The following ITGB1 variants were observed in gnomAD, a reference collection of about 807,000 sequenced individuals.
ITGB1 encodes integrin beta-1.
ITGB1 carries 24 observed loss-of-function variants against 86.5 expected under a neutral mutation model. The ratio of observed to expected loss-of-function variants is 0.28; its 90% CI spans 0.20 to 0.39. The LOEUF is 0.39. Ranked by LOEUF, ITGB1 falls within the 10% of genes least tolerant of loss-of-function variation. ITGB1 has a pLI of 1.00. For missense variants in ITGB1, 556 were observed against 946.9 expected, an observed-to-expected ratio of 0.59 and a Z score of 5.42; for synonymous variants, 323 against 316.8, an observed-to-expected ratio of 1.02 and a Z score of -0.21.
chr10:32,915,293 G>A (rs2094928038), intron 11 of ITGB1, among the ~76,000 whole-genome samples: 1 of 152,178 alleles, frequency 6.6e-6, no homozygotes, highest in South Asian at 2.1e-4. Flanking sequence ...AAAGCTAGCA[G>A]AAGGCAAGAA....
intron 3 of ITGB1, among the ~76,000 whole-genome samples, chr10:32,930,255 C>A (rs2094979016): frequency 6.6e-6 from 1 of 152,118 alleles, no homozygotes; most frequent in Admixed American, 6.5e-5. Flanking sequence ...AATACCTTTC[C>A]CAGAACTGAC....
chr10:32,907,836 C>CA (rs1014720939), intron 15 of ITGB1, among the ~76,000 whole-genome samples: 25 of 150,224 alleles, frequency 1.7e-4, no homozygotes, highest in South Asian at 4.2e-4. Flanking sequence ...AAAAAGTTAC[C>CA]AAAAAAAAAT....
At chr10:32,912,942 G>A (rs551636674) in intron 11 of ITGB1, among the ~76,000 whole-genome samples, 33 of 152,284 alleles carry the variant, frequency 2.2e-4, no homozygotes, top group African/African-American at 7.9e-4. Flanking sequence ...CATACAGCCC[G>A]GTGCCCCTCT....
chr10:32,923,510 C>CA (rs1190541555), intron 7 of ITGB1, 75 bp downstream of exon 7: 2 of 1,318,546 alleles, frequency 1.5e-6, no homozygotes, highest in Admixed American at 4.6e-5. Flanking sequence ...CCAAGCCAGT[C>CA]ACCCACAAGC....
intron 15 of ITGB1, among the ~76,000 whole-genome samples, chr10:32,903,213 G>A (rs926908201): frequency 6.6e-6 from 1 of 151,750 alleles, no homozygotes; most frequent in Admixed American, 6.6e-5. Flanking sequence ...TTAGCTGGGT[G>A]TGGTGGCGGG....
intron 1 of ITGB1, among the ~76,000 whole-genome samples, chr10:32,954,506 C>T (rs1251398603): frequency 6.6e-6 from 1 of 152,116 alleles, no homozygotes; most frequent in Non-Finnish European, 1.5e-5. Flanking sequence ...AAAATAAATG[C>T]AATTTATAAA....
At chr10:32,930,197 A>C (rs1414057716) in intron 3 of ITGB1, among the ~76,000 whole-genome samples, 153 bp from the exon 4 acceptor site, 1 of 152,220 alleles carries the variant, frequency 6.6e-6, no homozygotes, top group Non-Finnish European at 1.5e-5. Flanking sequence ...CCCTTCATCC[A>C]AACTGTGGTA....
chr10:32,928,262 C>T lies in ITGB1; in HGVS notation c.379G>A (p.Glu127Lys), dbSNP rs767386605. 1 of 857,026 alleles carries T rather than the reference C, an allele frequency of 1.2e-6. No individual in the cohort carries two copies. The highest frequency in any genetic ancestry group is 2.0e-6 in the Non-Finnish European group (1 of 502,754). 53.1% of individuals were successfully genotyped at this position (857,026 alleles called of 1,614,324 possible). The change falls in exon 5 of 16, where the codon GAG becomes AAG. Residue 127 changes from glutamate (E) to lysine (K), a missense_variant and splice_region_variant. By Grantham distance (56) the Glu-to-Lys change is moderately conservative. Around this residue, in one of 4 missense-constraint regions of ITGB1, gnomAD observed 183 missense variants for 263.9 expected, o/e 0.69. Transcript: ENST00000302278. The stretch of plus-strand genomic sequence containing the variant: ...AATTTTAATGTAAATGTCTGTGGCT[C>T]CCCTAATTAGACAAGAGATTAGAAA... Reference protein sequence around the residue: ...QQLVLRLRSGEPQTFTLKFKR... With the variant: ...QQLVLRLRSGKPQTFTLKFKR...
chr10:32,919,603 CAT>C (rs553902776), intron 11 of ITGB1, among the ~76,000 whole-genome samples: 110 of 152,240 alleles, frequency 7.2e-4, no homozygotes, highest in African/African-American at 2.5e-3. Context: ...ATTGCTCTCA[CAT>C]GAGAGAAACG....
At chr10:32,947,432 C>CATGTGTGTGTGTGTGTGT in intron 1 of ITGB1, among the ~76,000 whole-genome samples, 1 of 137,372 alleles carries the variant, frequency 7.3e-6, no homozygotes, top group Admixed American at 7.2e-5. Flanking sequence ...CACATATAGC[C>CATGTGTGTGTGTGTGTGT]GTGTGTGTGT....
chr10:32,926,059 G>T lies in ITGB1; in HGVS notation c.598C>A (p.Pro200Thr). 1.2e-6 allele frequency: 2 copies of T among 1,614,156 alleles called. No homozygotes were observed. Among genetic ancestry groups the T allele is most frequent in the Non-Finnish European group, 1.7e-6 (2 of 1,180,022 alleles). Residue 200 changes from proline to threonine, a missense_variant, in exon 6 of 16, where the codon CCA (proline) becomes ACA (threonine). Pro to Thr is a conservative substitution (Grantham distance 38, BLOSUM62 -1). Around this residue, in one of 4 missense-constraint regions of ITGB1, gnomAD observed 183 missense variants for 263.9 expected, o/e 0.69. Coordinates refer to ENST00000302278, the MANE Select transcript of ITGB1 (RefSeq NM_002211.4). ...KTVMPYISTT[P>T]AKLRNPCTSE... Reference sequence around the variant, plus strand: ...GTGCAAGGGTTCCTGAGCTTAGCTGGTGTTGTGCTAATGTAAGGCATCACA... The same window carrying T: ...GTGCAAGGGTTCCTGAGCTTAGCTGTTGTTGTGCTAATGTAAGGCATCACA...
intron 4 of ITGB1, among the ~76,000 whole-genome samples, chr10:32,928,547 A>C (rs188066017): frequency 1.3e-5 from 2 of 152,174 alleles, no homozygotes; most frequent in Admixed American, 6.5e-5. Flanking sequence ...AAGAGAAGAA[A>C]ACAAATAGAA....
At chr10:32,902,365 T>C (rs1340338466) in intron 15 of ITGB1, among the ~76,000 whole-genome samples, 2 of 152,222 alleles carry the variant, frequency 1.3e-5, no homozygotes, top group Admixed American at 1.3e-4. Flanking sequence ...AAAAATATAC[T>C]GACAGTGATG....
At chr10:32,946,918 C>G (rs1469302888) in intron 1 of ITGB1, among the ~76,000 whole-genome samples, 1 of 151,608 alleles carries the variant, frequency 6.6e-6, no homozygotes, top group Non-Finnish European at 1.5e-5. Context: ...GATCTTGGCT[C>G]ACTGCAACCT....
chr10:32,914,188 T>G (rs920585650), intron 11 of ITGB1, among the ~76,000 whole-genome samples: 1 of 152,224 alleles, frequency 6.6e-6, no homozygotes, highest in East Asian at 1.9e-4. Flanking sequence ...AAGGAACAAC[T>G]GGTACCAGCC....
intron 1 of ITGB1, among the ~76,000 whole-genome samples, chr10:32,942,411 C>A (rs1358294591): frequency 6.6e-6 from 1 of 152,136 alleles, no homozygotes; most frequent in African/African-American, 2.4e-5. Context: ...ATTGGACACC[C>A]TAATTTATAC....
intron 11 of ITGB1, among the ~76,000 whole-genome samples, chr10:32,917,496 G>GA (rs1473173155): frequency 4.6e-5 from 7 of 152,148 alleles, no homozygotes; most frequent in South Asian, 2.1e-4. Context: ...AAATTTACAA[G>GA]AAAAAATCAA....
intron 6 of ITGB1, 139 bp from the exon 7 acceptor site, chr10:32,923,879 T>C (rs1420454941): frequency 1.4e-5 from 10 of 702,166 alleles, no homozygotes; most frequent in Non-Finnish European, 2.3e-5. Context: ...CAATGGTAAT[T>C]ATCTTGCTGA....
intron 15 of ITGB1, among the ~76,000 whole-genome samples, chr10:32,902,735 T>C (rs2094885097): frequency 6.6e-6 from 1 of 152,220 alleles, no homozygotes; most frequent in South Asian, 2.1e-4. Flanking sequence ...GTAATTTTTG[T>C]TTTTAAATTT....
Sources: allele counts gnomAD v4.1 joint callset (sites outside exome capture counted in the v4.1 genomes callset), GRCh38; gene constraint gnomAD v4.1.1; regional missense constraint gnomAD v4.1.1; transcripts MANE v1.5; gene names NCBI Gene and HGNC (gene_info 2026-07-23, HGNC 2026-07-21).